GALNTL6: variants seen among roughly 807,000 people sequenced by gnomAD.
The protein encoded by GALNTL6 is polypeptide N-acetylgalactosaminyltransferase-like 6.
Under a neutral mutation model 73.7 loss-of-function variants are expected in GALNTL6, and 46 were observed. The ratio of observed to expected loss-of-function variants is 0.62; its 90% CI spans 0.49 to 0.80. The LOEUF (loss-of-function observed/expected upper bound fraction) is 0.80. GALNTL6 is among the 30% of genes least tolerant of loss of function. GALNTL6 has a pLI of 0.00. For missense variants in GALNTL6, 604 were observed against 755.0 expected (o/e 0.80, Z 2.34); for synonymous variants, 259 against 263.7 (o/e 0.98, Z 0.17).
At chr4:171,852,560 A>G (rs1241686381) in intron 2 of GALNTL6, among the ~76,000 whole-genome samples, 1 of 151,564 alleles carries the variant, frequency 6.6e-6, no homozygotes, top group Non-Finnish European at 1.5e-5. Flanking sequence ...CTTTCTTTAT[A>G]TTTATTTATA....
intron 4 of GALNTL6, among the ~76,000 whole-genome samples, chr4:172,330,685 G>T (rs1334126338): frequency 6.6e-6 from 1 of 152,020 alleles, no homozygotes; most frequent in African/African-American, 2.4e-5. Flanking sequence ...GTTTTTTTGT[G>T]TTAAGCTTCA....
At chr4:172,335,167 C>T (rs1353757133) in intron 4 of GALNTL6, among the ~76,000 whole-genome samples, 16 of 151,894 alleles carry the variant, frequency 1.1e-4, no homozygotes, top group Non-Finnish European at 1.5e-5. Context: ...AGGAGGGTCT[C>T]CATCTCCTGA....
intron 5 of GALNTL6, among the ~76,000 whole-genome samples, chr4:172,799,262 A>G (rs1474093373): frequency 6.6e-6 from 1 of 152,232 alleles, no homozygotes; most frequent in Non-Finnish European, 1.5e-5. Flanking sequence ...CTATAGTCAC[A>G]TAGATTTAGA....
chr4:172,696,197 G>A (rs1279301804), intron 5 of GALNTL6, among the ~76,000 whole-genome samples: 1 of 152,074 alleles, frequency 6.6e-6, no homozygotes, highest in African/African-American at 2.4e-5. Flanking sequence ...TTTCTATAGT[G>A]CAAGACTTGA....
intron 12 of GALNTL6, among the ~76,000 whole-genome samples, chr4:173,031,484 T>A (rs76117328): frequency 0.013 from 2,030 of 152,308 alleles, 20 homozygotes; most frequent in Non-Finnish European, 0.02. Flanking sequence ...GTGCACTCTT[T>A]CCGGCATCTA....
chr4:172,297,439 G>A (rs1233462732), intron 3 of GALNTL6, among the ~76,000 whole-genome samples: 1 of 152,106 alleles, frequency 6.6e-6, no homozygotes, highest in African/African-American at 2.4e-5. Context: ...CCATGCCTAT[G>A]TCCTGAATGG....
chr4:172,452,409 C>T (rs1397764157), intron 5 of GALNTL6, among the ~76,000 whole-genome samples: 3 of 152,016 alleles, frequency 2.0e-5, no homozygotes, highest in African/African-American at 7.2e-5. Flanking sequence ...CTACCCCTAA[C>T]AAGCTATGTT....
intron 2 of GALNTL6, among the ~76,000 whole-genome samples, chr4:171,875,059 G>T (rs575349487): frequency 6.6e-6 from 1 of 152,228 alleles, no homozygotes; most frequent in East Asian, 1.9e-4. Context: ...ACAGTAGATG[G>T]GTTCAAAGGA....
chr4:171,907,783 T>G (rs546134170), intron 2 of GALNTL6, among the ~76,000 whole-genome samples: 2,139 of 146,902 alleles, frequency 0.015, 87 homozygotes, highest in African/African-American at 0.053. Context: ...CATGGTACTG[T>G]TACCAAAACA....
chr4:172,868,720 C>A (rs1264107587), intron 7 of GALNTL6, among the ~76,000 whole-genome samples: 3 of 152,150 alleles, frequency 2.0e-5, no homozygotes, highest in Non-Finnish European at 4.4e-5. Flanking sequence ...CCCGTGGGAC[C>A]CAATTCCTGT....
At chr4:172,694,869 T>C (rs1401251082) in intron 5 of GALNTL6, among the ~76,000 whole-genome samples, 1 of 152,220 alleles carries the variant, frequency 6.6e-6, no homozygotes, top group African/African-American at 2.4e-5. Context: ...ACACTGAAGA[T>C]TATTTAATCT....
chr4:172,528,985 A>ATT (rs1735074989), intron 5 of GALNTL6, among the ~76,000 whole-genome samples: 3 of 31,452 alleles, frequency 9.5e-5, no homozygotes, highest in South Asian at 6.6e-3. Flanking sequence ...ATTTATACAT[A>ATT]TGTGTGTATA....
At chr4:172,053,630 C>G (rs1730940964) in intron 2 of GALNTL6, among the ~76,000 whole-genome samples, 1 of 152,124 alleles carries the variant, frequency 6.6e-6, no homozygotes, top group Non-Finnish European at 1.5e-5. Context: ...ATATTAATAT[C>G]ACAATTGTCC....
intron 2 of GALNTL6, among the ~76,000 whole-genome samples, chr4:171,827,567 AT>A (rs934221911): frequency 2.6e-5 from 4 of 152,240 alleles, no homozygotes; most frequent in Non-Finnish European, 5.9e-5. Flanking sequence ...TCTAATCCAA[AT>A]TTCCCTCCTT....
chr4:172,360,687 C>A (rs933905578), intron 5 of GALNTL6, among the ~76,000 whole-genome samples: 5 of 152,170 alleles, frequency 3.3e-5, no homozygotes. Context: ...GAGAGGAAGA[C>A]TACTTCTGTG....
chr4:172,710,968 A>G lies in GALNTL6; in HGVS notation c.554-98393A>G, dbSNP rs979868281. ...GCACTCTTATAGGTACTGGGGATAC[A>G]ACGAACAAGGCCAGCACCAACTGAA... On this transcript the variant is annotated intron_variant, in intron 5 of 12. Transcript: ENST00000506823. Among the ~76,000 whole-genome samples the G allele has an allele frequency of 3.3e-5, 5 of 152,138 alleles. No homozygotes were observed. The East Asian group carries it at 9.6e-4, about 29-fold the overall frequency.
chr4:172,901,163 G>A (rs1365249616), intron 8 of GALNTL6, among the ~76,000 whole-genome samples: 2 of 152,098 alleles, frequency 1.3e-5, no homozygotes, highest in Non-Finnish European at 2.9e-5. Context: ...GTCTTAATGG[G>A]GTCCCATTTC....
intron 2 of GALNTL6, among the ~76,000 whole-genome samples, chr4:172,082,532 G>C (rs964296389): frequency 1.3e-5 from 2 of 152,148 alleles, no homozygotes; most frequent in Admixed American, 6.5e-5. Flanking sequence ...TTAAATAACT[G>C]TATAGGGGAG....
chr4:172,219,711 A>T (rs993605339), intron 2 of GALNTL6, among the ~76,000 whole-genome samples: 7 of 152,054 alleles, frequency 4.6e-5, no homozygotes, highest in African/African-American at 1.4e-4. Flanking sequence ...TTAGATTTTA[A>T]GTGCTTTTTC....
Sources: gnomAD v4.1 joint callset for allele counts (sites outside exome capture counted in the v4.1 genomes callset) on GRCh38, gnomAD v4.1.1 for gene constraint, MANE v1.5 for transcripts, NCBI Gene and HGNC (gene_info 2026-07-23, HGNC 2026-07-21) for gene names.